KIRREL3: variants seen among roughly 807,000 people sequenced by gnomAD.
KIRREL3 encodes kin of IRRE-like protein 3.
In KIRREL3, 36 loss-of-function variants were observed where a neutral mutation model predicts 89.7. The ratio of observed to expected loss-of-function variants is 0.40; its 90% CI spans 0.31 to 0.53. The LOEUF is 0.53. Ranked by LOEUF, KIRREL3 falls within the 20% of genes least tolerant of loss-of-function variation. KIRREL3 has a pLI of 0.49. For synonymous variants in KIRREL3, 445 were observed against 441.4 expected, an observed-to-expected ratio of 1.01 and a Z score of -0.10; for missense variants, 864 against 1,056.6, an observed-to-expected ratio of 0.82 and a Z score of 2.53.
chr11:126,688,632 G>A (rs779724267), intron 1 of KIRREL3, among the ~76,000 whole-genome samples: 6 of 152,282 alleles, frequency 3.9e-5, no homozygotes, highest in African/African-American at 9.6e-5. Flanking sequence ...TCTTAGCTGC[G>A]TCAGCTCATA....
In KIRREL3 at chr11:126,492,147, C is replaced by T. The variant is rs10160702; in HGVS notation, c.434-18681G>A. On this transcript the variant is annotated intron_variant, in intron 4 of 16. Coordinates refer to ENST00000525144, the MANE Select transcript of KIRREL3 (RefSeq NM_032531.4). The surrounding 1 kb of genome is among the most constrained non-coding windows in gnomAD (Gnocchi z 4.8). ...AAAAGGATAAGTTGCAGAGGGCCAC[C>T]GAGGAACTGGGAGGATGATCTATAG... 0.77 allele frequency among the ~76,000 whole-genome samples: 117,098 copies of T among 152,150 alleles called. 45,411 individuals are homozygous for T. Among genetic ancestry groups the T allele is most frequent in the East Asian group, 0.89 (4,613 of 5,182 alleles).
chr11:126,514,550 A>C (rs1460737007), intron 4 of KIRREL3, among the ~76,000 whole-genome samples: 5 of 152,198 alleles, frequency 3.3e-5, no homozygotes, highest in Admixed American at 2.6e-4. Flanking sequence ...AAACAGTTAT[A>C]ATACTAGCAG....
rs1944219459 is a variant in KIRREL3, at chr11:126,635,298, A to T, written c.56-72386T>A. 6.6e-6 allele frequency among the ~76,000 whole-genome samples: 1 copy of T among 152,240 alleles called. No homozygotes were observed. The highest frequency in any genetic ancestry group is 1.5e-5 in the Non-Finnish European group (1 of 68,044). On this transcript the variant is annotated intron_variant, in intron 1 of 16. Transcript: ENST00000525144. The surrounding 1 kb of genome is among the most constrained non-coding windows in gnomAD (Gnocchi z 4.0). ...TCCAAGGCAGAAGGTAACCCCTCCC[A>T]GTCCAGAGCAAATCACGGTCTCCAT...
At chr11:126,532,922 T>C (rs553274653) in intron 2 of KIRREL3, among the ~76,000 whole-genome samples, 1 of 152,024 alleles carries the variant, frequency 6.6e-6, no homozygotes, top group East Asian at 1.9e-4. Flanking sequence ...CTTATAATTA[T>C]GTATCATAAA....
intron 1 of KIRREL3, among the ~76,000 whole-genome samples, chr11:126,922,412 C>T (rs766341894): frequency 2.2e-4 from 33 of 152,124 alleles, no homozygotes; most frequent in East Asian, 3.9e-4. Context: ...GCTTCTTAAA[C>T]GAAACAGAAG....
chr11:126,806,274 G>A (rs979733956), intron 1 of KIRREL3, among the ~76,000 whole-genome samples: 6 of 152,150 alleles, frequency 3.9e-5, no homozygotes, highest in African/African-American at 1.4e-4. Flanking sequence ...ACTACTAATA[G>A]TGAGGCTAAT....
intron 1 of KIRREL3, among the ~76,000 whole-genome samples, chr11:126,869,145 G>A (rs896154581): frequency 6.3e-5 from 9 of 143,582 alleles, no homozygotes; most frequent in African/African-American, 2.3e-4. Flanking sequence ...GTGACCCTCT[G>A]CCTGAGGGCT....
At chr11:126,433,098 C>T (rs562222317) in intron 13 of KIRREL3, among the ~76,000 whole-genome samples, 1 of 152,190 alleles carries the variant, frequency 6.6e-6, no homozygotes, top group African/African-American at 2.4e-5. Context: ...AGGCTGGTCT[C>T]AAACTCCTGA....
rs1478812354 is a variant in KIRREL3 at position 126,559,863 on chromosome 11, A to G, written c.133+2972T>C. ...TATTATTATTTTTTTTTGTATTTTT[A>G]GTAGAGACAGGGTTTCACCATGTTG... On this transcript the variant is annotated intron_variant, in intron 2 of 16. Transcript: ENST00000525144. Among the ~76,000 whole-genome samples, 6 of 151,598 alleles carry G rather than the reference A, an allele frequency of 4.0e-5. No homozygotes were observed. The South Asian group carries it at 8.4e-4, about 21-fold the overall frequency.
At position 126,656,010 on chromosome 11, in the gene KIRREL3, G is replaced by T; in HGVS notation, c.56-93098C>A. ...GGGAGGAGGCCTTAGAAGCTAATTA[G>T]AATCCTCTAGAAGTGTGTGGAAATG... On this transcript the variant is annotated intron_variant, in intron 1 of 16. Coordinates refer to ENST00000525144, the MANE Select transcript of KIRREL3 (RefSeq NM_032531.4). The surrounding 1 kb of genome is among the most constrained non-coding windows in gnomAD (Gnocchi z 4.0). 1 of 302,228 alleles carries T rather than the reference G, an allele frequency of 3.3e-6. No individual in the cohort carries two copies. The highest frequency in any genetic ancestry group is 6.8e-6 in the Non-Finnish European group (1 of 146,986). 18.7% of individuals were successfully genotyped at this position (302,228 alleles called of 1,614,324 possible).
intron 1 of KIRREL3, among the ~76,000 whole-genome samples, chr11:126,698,788 C>T (rs993341856): frequency 3.9e-5 from 6 of 152,262 alleles, no homozygotes; most frequent in Non-Finnish European, 8.8e-5. Context: ...ATTGGCTTCT[C>T]TCCCTGCTCT....
In KIRREL3 at chr11:126,515,128, G is replaced by A. The variant is rs1384207748; in HGVS notation, c.433+6187C>T. On this transcript the variant is annotated intron_variant, in intron 4 of 16. Coordinates refer to ENST00000525144, the MANE Select transcript of KIRREL3 (RefSeq NM_032531.4). This position sits in a 1 kb window ranked among gnomAD's most constrained non-coding sequence, Gnocchi z 4.2. Reference sequence around the variant, plus strand: ...ATAGCGTGTCGAGACCTGTAATCAAGGTGCATAAGGAGGCTGGGCGCGATG... The same window carrying A: ...ATAGCGTGTCGAGACCTGTAATCAAAGTGCATAAGGAGGCTGGGCGCGATG... Among the ~76,000 whole-genome samples the A allele has an allele frequency of 6.6e-6, 1 of 152,136 alleles. No homozygotes were observed. The highest frequency in any genetic ancestry group is 1.5e-5 in the Non-Finnish European group (1 of 68,014).
rs1160871403 is a variant in KIRREL3 at position 126,805,663 on chromosome 11, G to C, written c.55+194792C>G. ...TGATTGCTAAACTCCACAGTACAAA[G>C]TATGTAATAGATATTACGTTTTTAT... On this transcript the variant is annotated intron_variant, in intron 1 of 16. Transcript: ENST00000525144. The surrounding 1 kb of genome is among the most constrained non-coding windows in gnomAD (Gnocchi z 4.3). Among the ~76,000 whole-genome samples, 1 of 152,136 alleles carries C rather than the reference G, an allele frequency of 6.6e-6. No homozygotes were observed. The highest frequency in any genetic ancestry group is 6.5e-5 in the Admixed American group (1 of 15,274).
rs987600653 is a variant in KIRREL3 at position 126,501,607 on chromosome 11, A to C, written c.433+19708T>G. Reference sequence around the variant, plus strand: ...AGTTCTGGGCTCTTTAAAATAGGGCAGTTATTAGCAGGGAAGGAACACACT... The same window carrying C: ...AGTTCTGGGCTCTTTAAAATAGGGCCGTTATTAGCAGGGAAGGAACACACT... On this transcript the variant is annotated intron_variant, in intron 4 of 16. Coordinates refer to ENST00000525144, the MANE Select transcript of KIRREL3 (RefSeq NM_032531.4). This position sits in a 1 kb window ranked among gnomAD's most constrained non-coding sequence, Gnocchi z 5.8. Among the ~76,000 whole-genome samples, 1 of 152,216 alleles carries C rather than the reference A, an allele frequency of 6.6e-6. No homozygotes were observed. Among genetic ancestry groups the C allele is most frequent in the Admixed American group, 6.5e-5 (1 of 15,284 alleles).
Position 126,724,802 on chromosome 11 carries a change from C to T in KIRREL3, c.56-161890G>A, listed in dbSNP as rs1948314901. ...CAGGATTATTAGACCTGCCTATGGGCCAAGGGTTCTTACTAATAGATTTTG... is the reference window on the plus strand; with the variant it reads ...CAGGATTATTAGACCTGCCTATGGGTCAAGGGTTCTTACTAATAGATTTTG... On this transcript the variant is annotated intron_variant, in intron 1 of 16. Transcript: ENST00000525144. This position sits in a 1 kb window ranked among gnomAD's most constrained non-coding sequence, Gnocchi z 4.3. 6.6e-6 allele frequency among the ~76,000 whole-genome samples: 1 copy of T among 152,154 alleles called. No individual in the cohort carries two copies. Among genetic ancestry groups the T allele is most frequent in the African/African-American group, 2.4e-5 (1 of 41,424 alleles).
At chr11:126,661,098 C>CATACTAAGAAAA (rs1410232542) in intron 1 of KIRREL3, among the ~76,000 whole-genome samples, 2 of 152,164 alleles carry the variant, frequency 1.3e-5, no homozygotes, top group African/African-American at 4.8e-5. Flanking sequence ...AAAACCAAAA[C>CATACTAAGAAAA]ATACTAAGAA....
chr11:126,616,365 T>A (rs1052366617), intron 1 of KIRREL3, among the ~76,000 whole-genome samples: 2 of 152,192 alleles, frequency 1.3e-5, no homozygotes, highest in Non-Finnish European at 2.9e-5. Context: ...TGCGTTCTTC[T>A]TAAACACAGC....
At position 126,900,571 on chromosome 11, in the gene KIRREL3, A is replaced by T. The variant is rs558885583; in HGVS notation, c.55+99884T>A. ...CTCTGTTGGAAAAAAAATAGATTTA[A>T]GATAATGGCCCTATTCTCCTCAGAA... On this transcript the variant is annotated intron_variant, in intron 1 of 16. Coordinates refer to ENST00000525144, the MANE Select transcript of KIRREL3 (RefSeq NM_032531.4). The surrounding 1 kb of genome is among the most constrained non-coding windows in gnomAD (Gnocchi z 4.4). Among the ~76,000 whole-genome samples the T allele has an allele frequency of 8.5e-5, 13 of 152,350 alleles. No homozygotes were observed. In the South Asian group the frequency reaches 2.7e-3, roughly 32 times the overall value.
Position 126,558,612 on chromosome 11 carries a change from G to T in KIRREL3, c.133+4223C>A, listed in dbSNP as rs549004816. Among the ~76,000 whole-genome samples the T allele has an allele frequency of 6.6e-6, 1 of 152,262 alleles. No individual in the cohort carries two copies. Among genetic ancestry groups the T allele is most frequent in the African/African-American group, 2.4e-5 (1 of 41,546 alleles). ...GGGTTGCACTGTAATCTCTAGAGTT[G>T]TTGACAGGTCTAACATAGAGGAGGC... On this transcript the variant is annotated intron_variant, in intron 2 of 16. Transcript: ENST00000525144. This position sits in a 1 kb window ranked among gnomAD's most constrained non-coding sequence, Gnocchi z 4.0.
Sources: allele counts gnomAD v4.1 joint callset (sites outside exome capture counted in the v4.1 genomes callset), GRCh38; gene constraint gnomAD v4.1.1; non-coding constraint Gnocchi (gnomAD v3.1); transcripts MANE v1.5; gene names NCBI Gene and HGNC (gene_info 2026-07-23, HGNC 2026-07-21).